The following CALCR variants were observed in gnomAD, a reference collection of about 807,000 sequenced individuals.
CALCR encodes the protein calcitonin receptor.
In CALCR, 47 loss-of-function variants were observed where a neutral mutation model predicts 59.5. That is an observed-to-expected ratio of 0.79 (90% CI 0.63 to 1.01). The LOEUF (loss-of-function observed/expected upper bound fraction) is 1.01, where lower values mean the gene tolerates loss of function less well. Among genes scored for constraint, CALCR ranks in the 50% least tolerant of loss-of-function variants. The pLI, the probability that CALCR is intolerant of heterozygous loss-of-function variation, is 0.00. For synonymous variants in CALCR, 213 were observed against 211.3 expected, an observed-to-expected ratio of 1.01 and a Z score of -0.07; for missense variants, 566 against 597.1, an observed-to-expected ratio of 0.95 and a Z score of 0.54.
chr7:93,469,765 C>T (rs1341369942), intron 6 of CALCR, among the ~76,000 whole-genome samples: 1 of 151,694 alleles, frequency 6.6e-6, no homozygotes, highest in Non-Finnish European at 1.5e-5. Flanking sequence ...AATCTCTTGG[C>T]TTTTGGTCTT....
chr7:93,495,854 G>T (rs1439600368), intron 2 of CALCR: 5 of 1,474,856 alleles, frequency 3.4e-6, no homozygotes, highest in Non-Finnish European at 4.6e-6. Flanking sequence ...TTCAGTTACT[G>T]GTGGGACAAC....
At chr7:93,495,118 T>C (rs1163423955) in intron 2 of CALCR, among the ~76,000 whole-genome samples, 1 of 151,164 alleles carries the variant, frequency 6.6e-6, no homozygotes, top group Non-Finnish European at 1.5e-5. Flanking sequence ...TGGACCCAGG[T>C]AGAAAGGACA....
At chr7:93,506,768 T>C (rs763532254) in intron 2 of CALCR, among the ~76,000 whole-genome samples, 1 of 152,104 alleles carries the variant, frequency 6.6e-6, no homozygotes, top group Non-Finnish European at 1.5e-5. Context: ...AATAATCAGG[T>C]GATATGGTTT....
At chr7:93,464,331 G>A (rs765612497) in intron 7 of CALCR, among the ~76,000 whole-genome samples, 8 of 151,958 alleles carry the variant, frequency 5.3e-5, no homozygotes, top group Non-Finnish European at 1.2e-4. Context: ...AGCAAACAAA[G>A]TAGCAAAAAG....
intron 2 of CALCR, among the ~76,000 whole-genome samples, chr7:93,509,101 G>GTGGTGCCATATTGGCTCAGGTAAAAGCA (rs1374520752): frequency 2.0e-5 from 3 of 152,158 alleles, no homozygotes; most frequent in Non-Finnish European, 4.4e-5. Context: ...GCAAGACACT[G>GTGGTGCCATATTGGCTCAGGTAAAAGCA]TGGTGCCATA....
At chr7:93,504,267 A>G (rs1371373613) in intron 2 of CALCR, among the ~76,000 whole-genome samples, 1 of 152,202 alleles carries the variant, frequency 6.6e-6, no homozygotes, top group Non-Finnish European at 1.5e-5. Context: ...AAACCAACAA[A>G]TTCTATCTTA....
At chr7:93,460,577 ATATATATATATATATG>A (rs1800303904) in intron 8 of CALCR, among the ~76,000 whole-genome samples, 7 of 110,152 alleles carry the variant, frequency 6.4e-5, no homozygotes, top group South Asian at 3.0e-4. Flanking sequence ...AAAAAAATAT[ATATATATATATATATG>A]TATATATATA....
chr7:93,556,766 G>C (rs1018634957), intron 2 of CALCR, among the ~76,000 whole-genome samples: 6 of 151,780 alleles, frequency 4.0e-5, no homozygotes, highest in Admixed American at 1.3e-4. Context: ...TTTTGAAATA[G>C]GTGTATGGCA....
intron 2 of CALCR, among the ~76,000 whole-genome samples, chr7:93,564,982 T>C (rs1789831610): frequency 6.6e-6 from 1 of 152,146 alleles, no homozygotes; most frequent in Non-Finnish European, 1.5e-5. Flanking sequence ...CGGGACAAAC[T>C]AGCAGAAGGG....
At chr7:93,448,473 T>C (rs536472771) in intron 8 of CALCR, among the ~76,000 whole-genome samples, 2 of 151,988 alleles carry the variant, frequency 1.3e-5, no homozygotes, top group Admixed American at 6.6e-5. Flanking sequence ...ATGCAGTAAC[T>C]GTGCTTGCAT....
intron 3 of CALCR, among the ~76,000 whole-genome samples, chr7:93,481,548 G>A (rs886309572): frequency 6.6e-6 from 1 of 151,842 alleles, no homozygotes; most frequent in Non-Finnish European, 1.5e-5. Flanking sequence ...GCTGGGAAAG[G>A]AAAACCTTAT....
intron 8 of CALCR, among the ~76,000 whole-genome samples, chr7:93,454,160 C>T (rs1333763336): frequency 2.6e-5 from 4 of 151,982 alleles, no homozygotes; most frequent in African/African-American, 9.7e-5. Flanking sequence ...TTGCACCAGC[C>T]TCCCTTGGGC....
Position 93,502,555 on chromosome 7 carries a change from A to C in CALCR, c.-26-15548T>G, listed in dbSNP as rs10267656. On this transcript the variant is annotated intron_variant, in intron 2 of 13. Transcript: ENST00000426151. ...TTAACATTATAAGTTTGTAAGCTGT[A>C]AACAACTCTATATGCCAAAATTCTT... Among the ~76,000 whole-genome samples the C allele has an allele frequency of 9.7e-3, 1,478 of 152,240 alleles. 18 individuals are homozygous for C. Among genetic ancestry groups the C allele is most frequent in the African/African-American group, 0.033 (1,380 of 41,544 alleles).
At chr7:93,568,836 T>A (rs1403589098) in intron 2 of CALCR, among the ~76,000 whole-genome samples, 1 of 152,136 alleles carries the variant, frequency 6.6e-6, no homozygotes, top group Non-Finnish European at 1.5e-5. Context: ...AATTTCTATA[T>A]GCACTTCTAC....
chr7:93,454,734 C>A (rs981201792), intron 8 of CALCR, among the ~76,000 whole-genome samples: 2 of 151,720 alleles, frequency 1.3e-5, no homozygotes, highest in African/African-American at 4.9e-5. Context: ...CCTCTTTATG[C>A]CATGAGTTAT....
chr7:93,491,471 T>C (rs1383137407), intron 2 of CALCR, among the ~76,000 whole-genome samples: 1 of 151,764 alleles, frequency 6.6e-6, no homozygotes, highest in Non-Finnish European at 1.5e-5. Flanking sequence ...GAACCAGCAA[T>C]CTACAGAATG....
At chr7:93,478,901 TG>T in intron 4 of CALCR, among the ~76,000 whole-genome samples, 1 of 151,772 alleles carries the variant, frequency 6.6e-6, no homozygotes, top group East Asian at 2.0e-4. Context: ...TCCTGGAAAG[TG>T]GGGCCAGAAA....
intron 2 of CALCR, among the ~76,000 whole-genome samples, chr7:93,551,047 T>G (rs1268777095): frequency 6.6e-6 from 1 of 152,178 alleles, no homozygotes; most frequent in Admixed American, 6.5e-5. Flanking sequence ...GAGTCTAAAA[T>G]TAGCAAACCA....
intron 2 of CALCR, among the ~76,000 whole-genome samples, chr7:93,548,562 G>A (rs957282065): frequency 3.3e-5 from 5 of 151,596 alleles, no homozygotes; most frequent in African/African-American, 1.2e-4. Flanking sequence ...CAGCAATGAG[G>A]TCAGAAAAAA....
Sources: gnomAD v4.1 joint callset for allele counts (sites outside exome capture counted in the v4.1 genomes callset) on GRCh38, gnomAD v4.1.1 for gene constraint, MANE v1.5 for transcripts, NCBI Gene and HGNC (gene_info 2026-07-23, HGNC 2026-07-21) for gene names.